The following ZFHX3 variants were observed in gnomAD, a reference collection of about 807,000 sequenced individuals.
ZFHX3 encodes the protein zinc finger homeobox protein 3.
Under a neutral mutation model 279.1 loss-of-function variants are expected in ZFHX3, and 42 were observed. The ratio of observed to expected loss-of-function variants is 0.15; its 90% CI spans 0.12 to 0.19. ZFHX3 has a LOEUF of 0.19. ZFHX3 is among the 10% of genes least tolerant of loss of function. The pLI is 1.00. For missense variants in ZFHX3, 4,981 were observed against 4,754.0 expected (o/e 1.05, Z -1.40); for synonymous variants, 2,293 against 1,957.8 (o/e 1.17, Z -4.52).
upstream of ZFHX3, chr16:73,048,374 G>A (rs1407803993): frequency 6.6e-6 from 1 of 151,638 alleles, no homozygotes; most frequent in Non-Finnish European, 1.5e-5. Context: ...AGGGACGCGC[G>A]GGACCCGGGC....
At chr16:73,618,375 G>A (rs116991155) in intron 2 of ZFHX3, among the ~76,000 whole-genome samples, 1 of 152,258 alleles carries the variant, frequency 6.6e-6, no homozygotes, top group Non-Finnish European at 1.5e-5. Context: ...GAAGAGCCAA[G>A]CACTTGGCCA....
At chr16:73,383,489 C>G (rs915508386) in intron 3 of ZFHX3, among the ~76,000 whole-genome samples, 1 of 152,178 alleles carries the variant, frequency 6.6e-6, no homozygotes, top group Non-Finnish European at 1.5e-5. Flanking sequence ...TGAAAGAACG[C>G]ACACAGACGA....
At chr16:73,718,107 T>A (rs1031686393) in intron 1 of ZFHX3, among the ~76,000 whole-genome samples, 1 of 152,164 alleles carries the variant, frequency 6.6e-6, no homozygotes, top group African/African-American at 2.4e-5. Flanking sequence ...TACAAGAACC[T>A]ACTCTTAAAA....
intron 1 of ZFHX3, among the ~76,000 whole-genome samples, chr16:73,727,199 A>G (rs1226092227): frequency 6.6e-6 from 1 of 152,194 alleles, no homozygotes; most frequent in Non-Finnish European, 1.5e-5. Flanking sequence ...CCAGCCAGAT[A>G]CAGGTGAATC....
intron 4 of ZFHX3, among the ~76,000 whole-genome samples, chr16:73,287,213 G>A (rs887330271): frequency 8.0e-5 from 12 of 149,610 alleles, no homozygotes; most frequent in Non-Finnish European, 1.5e-4. Flanking sequence ...ATGGCTGTGT[G>A]GGTTGGTGAG....
chr16:73,478,407 A>T lies in ZFHX3; in HGVS notation c.-1546-22149T>A, dbSNP rs77466086. On this transcript the variant is annotated intron_variant, in intron 2 of 17. Transcript: ENST00000641206. ...ATCCAGGCTTCTTCCCTGCTAGTTT[A>T]TTTTAATGCAGTAATAAATAACAGC... Among the ~76,000 whole-genome samples, 644 of 152,064 alleles carry T rather than the reference A, an allele frequency of 4.2e-3. 3 individuals carry two copies. Among genetic ancestry groups the T allele is most frequent in the Non-Finnish European group, 5.9e-3 (404 of 68,006 alleles).
At chr16:73,788,714 A>ATATATATATATCTATATATAGATATATC (rs1491580947) in intron 1 of ZFHX3, among the ~76,000 whole-genome samples, 149 of 151,594 alleles carry the variant, frequency 9.8e-4, no homozygotes, top group South Asian at 3.3e-3. Context: ...GAATAGGAAA[A>ATATATATATATCTATATATAGATATATC]TATATATATA....
intron 3 of ZFHX3, among the ~76,000 whole-genome samples, chr16:73,370,618 C>T (rs1457891021): frequency 2.6e-5 from 4 of 152,248 alleles, no homozygotes; most frequent in Middle Eastern, 3.4e-3. Flanking sequence ...TGTACTTTTT[C>T]CCCTACTACA....
chr16:72,821,002 A>T (rs965935598), intron 5 of ZFHX3, among the ~76,000 whole-genome samples: 1 of 152,214 alleles, frequency 6.6e-6, no homozygotes, highest in African/African-American at 2.4e-5. Flanking sequence ...ACACTGCAAT[A>T]TAACAATATT....
chr16:73,831,475 C>T (rs561764409), intron 1 of ZFHX3, among the ~76,000 whole-genome samples: 19 of 151,602 alleles, frequency 1.3e-4, no homozygotes, highest in African/African-American at 3.9e-4. Flanking sequence ...AGTGAGGTTT[C>T]GGGAAGATGA....
At chr16:73,536,191 T>C (rs893193848) in intron 2 of ZFHX3, among the ~76,000 whole-genome samples, 2 of 152,238 alleles carry the variant, frequency 1.3e-5, no homozygotes, top group East Asian at 1.9e-4. Context: ...TCTACAGGTA[T>C]AGCTATCTTT....
chr16:73,221,443 T>C (rs1245500822), intron 5 of ZFHX3, among the ~76,000 whole-genome samples: 1 of 152,162 alleles, frequency 6.6e-6, no homozygotes, highest in East Asian at 1.9e-4. Context: ...TGAAATAAAA[T>C]TGTGATCTCC....
At chr16:73,222,086 C>T (rs1198308131) in intron 5 of ZFHX3, among the ~76,000 whole-genome samples, 1 of 151,994 alleles carries the variant, frequency 6.6e-6, no homozygotes, top group Non-Finnish European at 1.5e-5. Context: ...CTTCTTACAT[C>T]TTTTCTTCAT....
chr16:73,324,426 C>T (rs1258881523), intron 3 of ZFHX3, among the ~76,000 whole-genome samples: 1 of 152,198 alleles, frequency 6.6e-6, no homozygotes, highest in African/African-American at 2.4e-5. Flanking sequence ...AAGGGCTGTA[C>T]TGCCCAGCTC....
chr16:73,488,699 T>G (rs1425773032), intron 2 of ZFHX3, among the ~76,000 whole-genome samples: 1 of 152,188 alleles, frequency 6.6e-6, no homozygotes, highest in African/African-American at 2.4e-5. Context: ...TAGGACAAGA[T>G]GTACAAAATC....
At chr16:72,888,313 G>A (rs888242054) in intron 4 of ZFHX3, among the ~76,000 whole-genome samples, 2 of 152,188 alleles carry the variant, frequency 1.3e-5, no homozygotes, top group Non-Finnish European at 2.9e-5. Flanking sequence ...GTGGCCTTGG[G>A]TCTCTGGCTT....
chr16:73,868,715 G>C (rs925126405), intron 1 of ZFHX3, among the ~76,000 whole-genome samples: 8 of 152,054 alleles, frequency 5.3e-5, no homozygotes, highest in African/African-American at 1.9e-4. Context: ...TCACTTAAAT[G>C]TAAAGGCTAT....
chr16:73,169,061 G>A (rs1195169431), intron 5 of ZFHX3, among the ~76,000 whole-genome samples: 1 of 152,156 alleles, frequency 6.6e-6, no homozygotes, highest in Non-Finnish European at 1.5e-5. Context: ...GTGCAATAAG[G>A]TTAGGGTGTT....
chr16:73,417,112 T>C (rs1483836333), intron 3 of ZFHX3, among the ~76,000 whole-genome samples: 3 of 152,008 alleles, frequency 2.0e-5, no homozygotes, highest in Admixed American at 6.6e-5. Flanking sequence ...GCCCAAAACA[T>C]ACGCATGTCT....
Sources: allele counts gnomAD v4.1 joint callset (sites outside exome capture counted in the v4.1 genomes callset), GRCh38; gene constraint gnomAD v4.1.1; transcripts MANE v1.5; gene names NCBI Gene and HGNC (gene_info 2026-07-23, HGNC 2026-07-21).